PTPRG: variants seen among roughly 807,000 people sequenced by gnomAD.
PTPRG encodes receptor-type tyrosine-protein phosphatase gamma.
In PTPRG, 102 loss-of-function variants were observed where a neutral mutation model predicts 165.3. The ratio of observed to expected loss-of-function variants is 0.62; its 90% confidence interval spans 0.53 to 0.73. The LOEUF is 0.73. Among genes scored for constraint, PTPRG ranks in the 30% least tolerant of loss-of-function variants. The pLI, the probability that PTPRG is intolerant of heterozygous loss-of-function variation, is 0.00. For synonymous variants in PTPRG, 675 were observed against 669.5 expected, an observed-to-expected ratio of 1.01 and a Z score of -0.13; for missense variants, 1,866 against 1,861.4, an observed-to-expected ratio of 1.00 and a Z score of -0.05.
intron 1 of PTPRG, among the ~76,000 whole-genome samples, chr3:61,720,784 A>C (rs1352248079): frequency 6.6e-6 from 1 of 152,180 alleles, no homozygotes; most frequent in Non-Finnish European, 1.5e-5. Context: ...TCTAAAGCTG[A>C]CCTCCATTGA....
intron 1 of PTPRG, among the ~76,000 whole-genome samples, chr3:61,705,181 G>T (rs1487885689): frequency 6.6e-6 from 1 of 152,176 alleles, no homozygotes; most frequent in African/African-American, 2.4e-5. Context: ...CCACCACGAA[G>T]GGGCTCTTGG....
At position 61,594,736 on chromosome 3, in the gene PTPRG, A is replaced by G. The variant is rs573470789; in HGVS notation, c.85+32364A>G. ...GCCAGTGGCGCCGACATCCATCACT[A>G]CTTTGCATGTTGGTAATTTATATAC... On this transcript the variant is annotated intron_variant, in intron 1 of 29. Transcript: ENST00000474889. Among the ~76,000 whole-genome samples, 73 of 152,256 alleles carry G rather than the reference A, an allele frequency of 4.8e-4. 5 individuals carry two copies. The South Asian group carries it at 0.015, about 32-fold the overall frequency.
In PTPRG at chr3:62,214,325, T is replaced by C. The variant is rs115784542; in HGVS notation, c.2156-4526T>C. 4.1e-3 allele frequency among the ~76,000 whole-genome samples: 624 copies of C among 152,320 alleles called. No individual in the cohort carries two copies. The highest frequency in any genetic ancestry group is 0.037 in the Middle Eastern group (11 of 294). ...GCTAGGATGGTGGCGGGTGATGGTG[T>C]TGCCGAAGCTGGGGTGGTGGTGATG... On this transcript the variant is annotated intron_variant, in intron 12 of 29. Transcript: ENST00000474889. This position sits in a 1 kb window ranked among gnomAD's most constrained non-coding sequence, Gnocchi z 5.2.
chr3:61,874,033 G>A (rs1157093311), intron 2 of PTPRG, among the ~76,000 whole-genome samples: 1 of 151,220 alleles, frequency 6.6e-6, no homozygotes, highest in Non-Finnish European at 1.5e-5. Flanking sequence ...GTTTGATATG[G>A]AAGAAGGAAC....
At chr3:61,615,648 C>T (rs934190799) in intron 1 of PTPRG, among the ~76,000 whole-genome samples, 5 of 152,184 alleles carry the variant, frequency 3.3e-5, no homozygotes, top group African/African-American at 1.2e-4. Context: ...CTTTATTTGA[C>T]TTAATCCATA....
chr3:62,063,014 G>T (rs1373991608), intron 4 of PTPRG, among the ~76,000 whole-genome samples: 1 of 152,144 alleles, frequency 6.6e-6, no homozygotes, highest in East Asian at 1.9e-4. Context: ...CTAGTGTAAG[G>T]TTATATTCAA....
At chr3:62,270,399 C>G (rs1432659666) in intron 20 of PTPRG, among the ~76,000 whole-genome samples, 1 of 152,078 alleles carries the variant, frequency 6.6e-6, no homozygotes, top group Non-Finnish European at 1.5e-5. Flanking sequence ...CATAGCAATA[C>G]ATCTGTGTTC....
intron 1 of PTPRG, among the ~76,000 whole-genome samples, chr3:61,612,636 T>G (rs571950704): frequency 6.6e-6 from 1 of 152,162 alleles, no homozygotes; most frequent in Non-Finnish European, 1.5e-5. Flanking sequence ...TCTGTTTTTT[T>G]CCCCCGTCTT....
intron 17 of PTPRG, among the ~76,000 whole-genome samples, chr3:62,265,718 G>C (rs1177199049): frequency 6.6e-6 from 1 of 151,900 alleles, no homozygotes; most frequent in African/African-American, 2.4e-5. Context: ...AGTATTTGTT[G>C]GCCAGCTCAA....
intron 1 of PTPRG, among the ~76,000 whole-genome samples, chr3:61,623,853 C>G (rs143944568): frequency 1.3e-5 from 2 of 152,326 alleles, no homozygotes; most frequent in East Asian, 3.9e-4. Flanking sequence ...AACAAAACAT[C>G]TGAGGAGACA....
At chr3:61,994,768 C>G (rs542904072) in intron 3 of PTPRG, among the ~76,000 whole-genome samples, 2 of 152,234 alleles carry the variant, frequency 1.3e-5, no homozygotes, top group African/African-American at 2.4e-5. Context: ...ACCTTGGTCA[C>G]TTCCACATGC....
chr3:62,074,344 T>TTTTC (rs1250648569), intron 4 of PTPRG, among the ~76,000 whole-genome samples: 50 of 124,268 alleles, frequency 4.0e-4, no homozygotes, highest in African/African-American at 1.4e-3. Flanking sequence ...CTTTCTTTTC[T>TTTTC]TTTCTTTCTT....
intron 1 of PTPRG, among the ~76,000 whole-genome samples, chr3:61,716,699 A>C (rs1326414464): frequency 6.6e-6 from 1 of 152,164 alleles, no homozygotes; most frequent in Non-Finnish European, 1.5e-5. Flanking sequence ...CCAGCTGGGC[A>C]TGTTGGCTCA....
At chr3:61,748,608 A>G (rs565951245) in intron 1 of PTPRG, among the ~76,000 whole-genome samples, 1 of 152,290 alleles carries the variant, frequency 6.6e-6, no homozygotes, top group South Asian at 2.1e-4. Context: ...TGTTTTGCAA[A>G]TCAACTAAGA....
chr3:61,641,661 A>G (rs950102044), intron 1 of PTPRG, among the ~76,000 whole-genome samples: 3 of 152,304 alleles, frequency 2.0e-5, no homozygotes, highest in East Asian at 1.9e-4. Flanking sequence ...ATCATTACAT[A>G]TATAGAAACC....
intron 5 of PTPRG, among the ~76,000 whole-genome samples, chr3:62,104,897 A>T (rs1702419217): frequency 6.6e-6 from 1 of 152,232 alleles, no homozygotes; most frequent in Admixed American, 6.5e-5. Flanking sequence ...TTGCATTGAA[A>T]AAAGCCTAGA....
intron 28 of PTPRG, among the ~76,000 whole-genome samples, chr3:62,283,304 T>C (rs1030975981): frequency 6.6e-6 from 1 of 152,148 alleles, no homozygotes; most frequent in African/African-American, 2.4e-5. Context: ...AAACTACTAG[T>C]ATTAATGATA....
chr3:61,755,597 C>T (rs2033609327), intron 2 of PTPRG, among the ~76,000 whole-genome samples: 1 of 152,128 alleles, frequency 6.6e-6, no homozygotes, highest in Admixed American at 6.5e-5. Context: ...TGTGAAGGGC[C>T]AGAGAAGCTG....
chr3:62,292,387 A>G, intron 28 of PTPRG, 34 bp from the exon 29 acceptor site: 1 of 1,597,294 alleles, frequency 6.3e-7, no homozygotes, highest in Admixed American at 1.8e-5. Flanking sequence ...CCCTTTGTAC[A>G]TCTGAAATCG....
Sources: allele counts gnomAD v4.1 joint callset (sites outside exome capture counted in the v4.1 genomes callset), GRCh38; gene constraint gnomAD v4.1.1; non-coding constraint Gnocchi (gnomAD v3.1); transcripts MANE v1.5; gene names NCBI Gene and HGNC (gene_info 2026-07-23, HGNC 2026-07-21).